The following NECTIN3 variants were observed in gnomAD, a reference collection of about 807,000 sequenced individuals.
NECTIN3 encodes nectin cell adhesion molecule 3.
A neutral mutation model predicts 49.4 loss-of-function variants in NECTIN3; 8 were observed. The observed-to-expected ratio is 0.16, with a 90% CI of 0.10 to 0.29. The LOEUF is 0.29. Among genes scored for constraint, NECTIN3 ranks in the 10% least tolerant of loss-of-function variants. The pLI is 1.00. For synonymous variants in NECTIN3, 277 were observed against 241.1 expected (o/e 1.15, Z -1.38); for missense variants, 581 against 654.6 (o/e 0.89, Z 1.23).
downstream of NECTIN3, among the ~76,000 whole-genome samples, chr3:111,142,280 G>T (rs2034766053): frequency 6.6e-6 from 1 of 151,772 alleles, no homozygotes; most frequent in Non-Finnish European, 1.5e-5. Flanking sequence ...ACATAAAGTA[G>T]ATTATCTAGT....
chr3:111,169,375 C>CTTT (rs59239398), intron 7 of NECTIN3, among the ~76,000 whole-genome samples: 15 of 114,584 alleles, frequency 1.3e-4, no homozygotes, highest in Non-Finnish European at 5.5e-5. Context: ...CAAACGCAAA[C>CTTT]TTTTTTTTTT....
At chr3:111,072,582 C>T (rs953345037) in intron 1 of NECTIN3, 9 of 1,534,724 alleles carry the variant, frequency 5.9e-6, no homozygotes, top group Admixed American at 2.0e-5. Context: ...AGCCCAGAAA[C>T]CCTAGGGACC....
At chr3:111,141,086 G>A (rs768421581), downstream of NECTIN3, among the ~76,000 whole-genome samples, 11 of 151,918 alleles carry the variant, frequency 7.2e-5, no homozygotes, top group Non-Finnish European at 1.5e-4. Context: ...TTTTTTGGAT[G>A]AGGGGCTGAG....
intron 4 of NECTIN3, among the ~76,000 whole-genome samples, chr3:111,125,958 A>G (rs1208036895): frequency 1.3e-5 from 2 of 152,108 alleles, no homozygotes; most frequent in African/African-American, 4.8e-5. Flanking sequence ...AGCCACTCTT[A>G]CATGGACTGC....
intron 1 of NECTIN3, among the ~76,000 whole-genome samples, chr3:111,094,442 TGAG>T (rs1247869620): frequency 1.3e-5 from 2 of 152,168 alleles, no homozygotes; most frequent in East Asian, 1.9e-4. Context: ...ATCAGTGCTG[TGAG>T]GAGTTATTTG....
intron 7 of NECTIN3, among the ~76,000 whole-genome samples, chr3:111,149,458 G>GGTGTGT (rs1559809006): frequency 1.8e-5 from 2 of 109,554 alleles, no homozygotes; most frequent in African/African-American, 8.2e-5. Context: ...ATTCTGGTAG[G>GGTGTGT]ATGTGTGTGT....
downstream of NECTIN3, among the ~76,000 whole-genome samples, chr3:111,141,736 G>A (rs1160023302): frequency 1.3e-5 from 2 of 151,818 alleles, no homozygotes; most frequent in Non-Finnish European, 1.5e-5. Context: ...AGAAATGCAT[G>A]CACCACTCTT....
chr3:111,107,941 G>A (rs2033257945), intron 1 of NECTIN3, among the ~76,000 whole-genome samples: 1 of 152,104 alleles, frequency 6.6e-6, no homozygotes, highest in South Asian at 2.1e-4. Context: ...AAGCAGATAT[G>A]TAATTAGAGG....
intron 4 of NECTIN3, among the ~76,000 whole-genome samples, chr3:111,123,278 A>G (rs896168656): frequency 1.3e-5 from 2 of 152,044 alleles, no homozygotes; most frequent in Non-Finnish European, 2.9e-5. Flanking sequence ...TCTTCCCCAG[A>G]TAGTTTTTTT....
chr3:111,190,838 CTA>C (rs1404734525), upstream of NECTIN3, among the ~76,000 whole-genome samples: 1 of 152,004 alleles, frequency 6.6e-6, no homozygotes, highest in Non-Finnish European at 1.5e-5. Context: ...ACATTAGGGA[CTA>C]TAAAACAAGA....
At chr3:111,133,487 TA>T in intron 5 of NECTIN3, 147 bp from the exon 6 acceptor site, 1 of 1,200,148 alleles carries the variant, frequency 8.3e-7, no homozygotes, top group Non-Finnish European at 1.1e-6. Context: ...CACTACATTC[TA>T]ATCTTAATCA....
intron 1 of NECTIN3, among the ~76,000 whole-genome samples, chr3:111,109,510 A>G (rs922950410): frequency 8.6e-5 from 13 of 151,876 alleles, no homozygotes; most frequent in Non-Finnish European, 1.8e-4. Flanking sequence ...CAGTCCATCT[A>G]GGGTTTTTTT....
intron 7 of NECTIN3, among the ~76,000 whole-genome samples, chr3:111,182,172 A>AT (rs1369105520): frequency 3.3e-5 from 5 of 151,914 alleles, no homozygotes; most frequent in African/African-American, 9.7e-5. Flanking sequence ...TTTTTCGTTA[A>AT]TTTTTTTATG....
intron 7 of NECTIN3, among the ~76,000 whole-genome samples, chr3:111,154,799 A>G (rs2035066136): frequency 2.0e-5 from 3 of 152,144 alleles, no homozygotes; most frequent in South Asian, 4.1e-4. Flanking sequence ...TTGGTGAAAT[A>G]TCTGTTCAGA....
chr3:111,118,894 T>C lies in NECTIN3; in HGVS notation c.741T>C (p.Val247=), dbSNP rs1393674125. 2.0e-5 allele frequency: 32 copies of C among 1,614,070 alleles called. No individual in the cohort carries two copies. Among genetic ancestry groups the C allele is most frequent in the Non-Finnish European group, 2.6e-5 (31 of 1,180,026 alleles). The change falls in exon 3 of 6, where the codon GTT becomes GTC. Residue 247 remains valine, a synonymous_variant. Transcript: ENST00000485303. ...CTAGAGGAAGGCGAATTACTTGTGT[T>C]GTAAAACATCCAGCCTTGGAAAAGG... The part of the protein sequence containing the change: ...RFARGRRITC[V]VKHPALEKDI...
intron 7 of NECTIN3, among the ~76,000 whole-genome samples, chr3:111,175,857 G>C (rs1301801380): frequency 1.3e-5 from 2 of 152,116 alleles, no homozygotes; most frequent in African/African-American, 2.4e-5. Flanking sequence ...TCAGGGAGTA[G>C]GTAAAATAAT....
At chr3:111,076,560 A>G (rs546041701) in intron 1 of NECTIN3, among the ~76,000 whole-genome samples, 2 of 152,220 alleles carry the variant, frequency 1.3e-5, no homozygotes, top group South Asian at 4.2e-4. Context: ...TACTTCATAT[A>G]TTTTTGTCTA....
chr3:111,096,941 C>T (rs921507453), intron 1 of NECTIN3, among the ~76,000 whole-genome samples: 3 of 152,164 alleles, frequency 2.0e-5, no homozygotes, highest in Admixed American at 6.6e-5. Flanking sequence ...CCCACAGAGT[C>T]CCCACTGGGA....
At chr3:111,164,157 G>C (rs1011844016) in intron 7 of NECTIN3, among the ~76,000 whole-genome samples, 2 of 151,964 alleles carry the variant, frequency 1.3e-5, no homozygotes, top group African/African-American at 4.8e-5. Context: ...TTAGCAAAAT[G>C]CCATAGTTTT....
Sources: allele counts gnomAD v4.1 joint callset (sites outside exome capture counted in the v4.1 genomes callset), GRCh38; gene constraint gnomAD v4.1.1; transcripts MANE v1.5; gene names NCBI Gene and HGNC (gene_info 2026-07-23, HGNC 2026-07-21).